The following NFATC2 variants were observed in gnomAD, a reference collection of about 807,000 sequenced individuals.
The protein encoded by NFATC2 is nuclear factor of activated T-cells, cytoplasmic 2.
Under a neutral mutation model 87.3 loss-of-function variants are expected in NFATC2, and 22 were observed. That is an observed-to-expected ratio of 0.25 (90% CI 0.18 to 0.36). The LOEUF is 0.36. Among genes scored for constraint, NFATC2 ranks in the 10% least tolerant of loss-of-function variants. The probability of loss-of-function intolerance (pLI) is 1.00; values close to 1 mark genes in which losing one functional copy is unlikely to be tolerated. For synonymous variants in NFATC2, 565 were observed against 542.2 expected (o/e 1.04, Z -0.58); for missense variants, 1,149 against 1,259.1 (o/e 0.91, Z 1.32).
intron 9 of NFATC2, among the ~76,000 whole-genome samples, chr20:51,406,463 G>C (rs1978335265): frequency 6.6e-6 from 1 of 152,184 alleles, no homozygotes; most frequent in Non-Finnish European, 1.5e-5. Context: ...AGAGCGGCTT[G>C]GCCCCCTCGG....
At chr20:51,435,103 C>G (rs947252664) in intron 8 of NFATC2, 85 bp downstream of exon 8, 1 of 1,535,694 alleles carries the variant, frequency 6.5e-7, no homozygotes, top group Non-Finnish European at 8.8e-7. Flanking sequence ...CAAAGTTACC[C>G]GGCTAGGAGC....
At chr20:51,540,663 T>TTTTTTTTTTTTTTTTTTTTTTTG (rs1555818354) in intron 1 of NFATC2, among the ~76,000 whole-genome samples, 7 of 135,770 alleles carry the variant, frequency 5.2e-5, no homozygotes, top group East Asian at 4.6e-4. Flanking sequence ...TTTTTGTTTT[T>TTTTTTTTTTTTTTTTTTTTTTTG]TTTTTTTTGA....
At position 51,475,473 on chromosome 20, in the gene NFATC2, T is replaced by C; in HGVS notation, c.1520A>G (p.Asn507Ser). Reference protein sequence around the residue: ...KVLEIPLEPKNNMRATIDCAG... With the variant: ...KVLEIPLEPKSNMRATIDCAG... ...CAGCCCTTACGTTGCCCTCATGTTG[T>C]TTTTGGGCTCCAAGGGTATCTCCAG... Residue 507 changes from asparagine to serine, a missense_variant, in exon 4 of 11, where the codon AAC (asparagine) becomes AGC (serine). Transcript: ENST00000371564. The C allele has an allele frequency of 6.2e-7, 1 of 1,613,564 alleles. No individual in the cohort carries two copies. Among genetic ancestry groups the C allele is most frequent in the Non-Finnish European group, 8.5e-7 (1 of 1,179,840 alleles).
intron 5 of NFATC2, among the ~76,000 whole-genome samples, chr20:51,461,725 C>T (rs1446857035): frequency 3.3e-5 from 5 of 152,222 alleles, no homozygotes; most frequent in Middle Eastern, 3.2e-3. Flanking sequence ...TGAAATTCGC[C>T]GTCAAGCCGG....
At chr20:51,541,067 C>G (rs1418538890) in intron 1 of NFATC2, among the ~76,000 whole-genome samples, 1 of 152,206 alleles carries the variant, frequency 6.6e-6, no homozygotes, top group Non-Finnish European at 1.5e-5. Flanking sequence ...TAATGACCAT[C>G]TCTGGGTATC....
Position 51,432,773 on chromosome 20 carries a change from G to C in NFATC2, c.2033-17C>G, listed in dbSNP as rs1982962761. 1 of 1,537,834 alleles carries C rather than the reference G, an allele frequency of 6.5e-7. No individual in the cohort carries two copies. On this transcript the variant is annotated splice_polypyrimidine_tract_variant and intron_variant, in intron 8 of 10. Coordinates refer to ENST00000371564, the MANE Select transcript of NFATC2 (RefSeq NM_012340.5). This position sits in a 1 kb window ranked among gnomAD's most constrained non-coding sequence, Gnocchi z 4.6. ...TGGCTGGGACTGGGAGGAGAAAAGA[G>C]CACATAGGGGCGCCCATGGCAGTGA... is the stretch of plus-strand genomic sequence containing the variant.
In NFATC2 at chr20:51,523,926, C is replaced by T. The variant is rs1393378490; in HGVS notation, c.315G>A (p.Gly105=). Residue 105 remains glycine, a synonymous_variant, in exon 2 of 11, where the codon GGG becomes GGA. Transcript: ENST00000371564. The surrounding 1 kb of genome is among the most constrained non-coding windows in gnomAD (Gnocchi z 6.9). ...QKFLSAAKPA[G]ASGLSPRIEI... ...CGATCCGAGGGCTCAGGCCCGAGGC[C>T]CCTGCTGGCTTGGCCGCGCTCAGAA... The T allele has an allele frequency of 6.2e-7, 1 of 1,602,270 alleles. No homozygotes were observed. The highest frequency in any genetic ancestry group is 1.3e-5 in the African/African-American group (1 of 74,156).
chr20:51,425,716 C>T (rs190826010), intron 9 of NFATC2, among the ~76,000 whole-genome samples: 124 of 152,362 alleles, frequency 8.1e-4, no homozygotes, highest in Non-Finnish European at 1.4e-3. Context: ...AACACTTTTC[C>T]ATCGCTGGGT....
At chr20:51,554,563 C>A (rs1382754735) in intron 1 of NFATC2, among the ~76,000 whole-genome samples, 3 of 152,208 alleles carry the variant, frequency 2.0e-5, no homozygotes, top group Non-Finnish European at 4.4e-5. Flanking sequence ...CAGGAACTGA[C>A]CCCTTTGTCT....
Position 51,418,951 on chromosome 20 carries a change from A to ACCCCCCCC in NFATC2, c.2722+13115_2722+13116insGGGGGGGG, listed in dbSNP as rs138137281. On this transcript the variant is annotated intron_variant, in intron 9 of 10. Coordinates refer to ENST00000371564, the MANE Select transcript of NFATC2 (RefSeq NM_012340.5). ...AGTGCTGGGATTATAGGCGTGAGCC[A>ACCCCCCCC]CCCCCACCGCCCTAGGTTTTCTTTA... is the stretch of plus-strand genomic sequence containing the variant. Among the ~76,000 whole-genome samples, 13 of 145,890 alleles carry ACCCCCCCC rather than the reference A, an allele frequency of 8.9e-5. No homozygotes were observed. The East Asian group carries it at 9.0e-4, about 10-fold the overall frequency.
At chr20:51,436,125 G>A (rs1983525365) in intron 6 of NFATC2, among the ~76,000 whole-genome samples, 1 of 152,066 alleles carries the variant, frequency 6.6e-6, no homozygotes, top group Non-Finnish European at 1.5e-5. Context: ...CAGGGACCAG[G>A]GATCTACCAA....
chr20:51,387,805 T>C lies in NFATC2; in HGVS notation c.*3691A>G, dbSNP rs1009258639. ...AACTCCATCCATGCCTCTTGTAAAC[T>C]TGAAATGAAAACATTCTTTCAATTC... On this transcript the variant is annotated 3_prime_UTR_variant, in exon 11 of 11. Coordinates refer to ENST00000371564, the MANE Select transcript of NFATC2 (RefSeq NM_012340.5). 4.6e-5 allele frequency: 7 copies of C among 151,596 alleles called. No individual in the cohort carries two copies. The highest frequency in any genetic ancestry group is 1.7e-4 in the African/African-American group (7 of 41,224). The allele number at this position is 151,596 out of a possible 1,614,324, so 9.4% of individuals were successfully genotyped here.
At chr20:51,463,404 A>G (rs73270002) in intron 5 of NFATC2, among the ~76,000 whole-genome samples, 2,809 of 152,248 alleles carry the variant, frequency 0.018, 82 homozygotes, top group African/African-American at 0.063. Context: ...CAGCTTTCTC[A>G]TATGGAGAAA....
rs1395943819 is a variant in NFATC2 at position 51,552,189 on chromosome 20, A to T, written c.70+10371T>A. 2.6e-5 allele frequency among the ~76,000 whole-genome samples: 4 copies of T among 152,278 alleles called. No individual in the cohort carries two copies. The East Asian group carries it at 7.7e-4, about 29-fold the overall frequency. On this transcript the variant is annotated intron_variant, in intron 1 of 10. Transcript: ENST00000414705. ...ATCTTTATGAAGCTGAAACAGGAGG[A>T]TGGCTTGAGCCCAGGAGGCTGACGC...
chr20:51,459,660 C>T (rs1410599629), intron 5 of NFATC2, among the ~76,000 whole-genome samples: 2 of 152,064 alleles, frequency 1.3e-5, no homozygotes, highest in Non-Finnish European at 2.9e-5. Context: ...GGTGGATCAC[C>T]TGAGGTCAGA....
At chr20:51,439,298 G>A (rs111677270) in intron 6 of NFATC2, among the ~76,000 whole-genome samples, 1 of 152,308 alleles carries the variant, frequency 6.6e-6, no homozygotes, top group East Asian at 1.9e-4. Context: ...TAGGAGGCAG[G>A]TCTCCTCACC....
chr20:51,461,979 C>T (rs751090871), intron 5 of NFATC2, among the ~76,000 whole-genome samples: 1 of 151,526 alleles, frequency 6.6e-6, no homozygotes, highest in South Asian at 2.1e-4. Flanking sequence ...GTTAGCTGGG[C>T]GTGGTGGTAC....
chr20:51,525,272 GACCTAACTTCCTCTTTTA>G (rs2076525101), intron 1 of NFATC2, among the ~76,000 whole-genome samples: 1 of 152,128 alleles, frequency 6.6e-6, no homozygotes, highest in Admixed American at 6.5e-5. Flanking sequence ...ACTGCAAAAT[GACCTAACTTCCTCTTTTA>G]GCGGCTGCCT....
In NFATC2 at chr20:51,562,129, T is replaced by A. The variant is rs2146856314; in HGVS notation, c.70+431A>T. On this transcript the variant is annotated intron_variant, in intron 1 of 10. Coordinates refer to the NFATC2 transcript ENST00000414705. This position sits in a 1 kb window ranked among gnomAD's most constrained non-coding sequence, Gnocchi z 5.8. ...CTTCCTTACTATACTTGCTGTATAG[T>A]AAAATGCCAAGCCTGTTCTCTTAAA... Among the ~76,000 whole-genome samples, 1 of 152,314 alleles carries A rather than the reference T, an allele frequency of 6.6e-6. No homozygotes were observed. Among genetic ancestry groups the A allele is most frequent in the East Asian group, 1.9e-4 (1 of 5,186 alleles).
Sources: allele counts gnomAD v4.1 joint callset (sites outside exome capture counted in the v4.1 genomes callset), GRCh38; gene constraint gnomAD v4.1.1; non-coding constraint Gnocchi (gnomAD v3.1); transcripts MANE v1.5; gene names NCBI Gene and HGNC (gene_info 2026-07-23, HGNC 2026-07-21).